DNAJC25: variants seen among roughly 807,000 people sequenced by gnomAD.
The protein encoded by DNAJC25 is DnaJ heat shock protein family (Hsp40) member C25.
A neutral mutation model predicts 42.1 loss-of-function variants in DNAJC25; 26 were observed. The ratio of observed to expected loss-of-function variants is 0.62; its 90% CI spans 0.45 to 0.86. The LOEUF (loss-of-function observed/expected upper bound fraction) is 0.86, where lower values mean the gene tolerates loss of function less well. Among genes scored for constraint, DNAJC25 ranks in the 40% least tolerant of loss-of-function variants. DNAJC25 has a pLI of 0.00. For synonymous variants in DNAJC25, 189 were observed against 179.9 expected, an observed-to-expected ratio of 1.05 and a Z score of -0.40; for missense variants, 404 against 459.4, an observed-to-expected ratio of 0.88 and a Z score of 1.10.
intron 2 of DNAJC25, among the ~76,000 whole-genome samples, chr9:111,648,264 GTT>G (rs140488738): frequency 3.4e-4 from 50 of 145,958 alleles, no homozygotes; most frequent in African/African-American, 1.1e-3. Flanking sequence ...AAACGATTCA[GTT>G]TTTTTTTTTT....
intron 1 of DNAJC25, among the ~76,000 whole-genome samples, chr9:111,637,505 T>G (rs1830381626): frequency 6.6e-6 from 1 of 152,240 alleles, no homozygotes; most frequent in African/African-American, 2.4e-5. Flanking sequence ...GTCATTCCTC[T>G]TTGGCAACTT....
At chr9:111,648,079 G>T (rs1220006995) in intron 2 of DNAJC25, among the ~76,000 whole-genome samples, 2 of 152,132 alleles carry the variant, frequency 1.3e-5, no homozygotes, top group Non-Finnish European at 2.9e-5. Context: ...GCCCGGCCAG[G>T]AACTTTTTAT....
At chr9:111,651,972 G>A (rs376588829) in intron 3 of DNAJC25, among the ~76,000 whole-genome samples, 1 of 152,094 alleles carries the variant, frequency 6.6e-6, no homozygotes, top group South Asian at 2.1e-4. Flanking sequence ...ATAATTAGAT[G>A]AAAGTAGGTG....
rs1452508792 is a variant in DNAJC25 at position 111,653,096 on chromosome 9, A to G, written c.961-4A>G. The G allele has an allele frequency of 1.3e-6, 2 of 1,590,898 alleles. No individual in the cohort carries two copies. Among genetic ancestry groups the G allele is most frequent in the Admixed American group, 1.7e-5 (1 of 57,514 alleles). On this transcript the variant is annotated splice_polypyrimidine_tract_variant and splice_region_variant and intron_variant, in intron 3 of 3. Coordinates refer to ENST00000313525, the MANE Select transcript of DNAJC25 (RefSeq NM_001015882.3). Reference sequence around the variant, plus strand: ...TGAAGTCATCTAGTTATTTATACTTACAGGTCTACAAGCAAGAACAAGAGG... The same window carrying G: ...TGAAGTCATCTAGTTATTTATACTTGCAGGTCTACAAGCAAGAACAAGAGG...
At chr9:111,644,897 G>A (rs982261286) in intron 1 of DNAJC25, among the ~76,000 whole-genome samples, 2 of 152,192 alleles carry the variant, frequency 1.3e-5, no homozygotes, top group Non-Finnish European at 2.9e-5. Flanking sequence ...AGTCTTCAGC[G>A]CTGTCTGTGT....
intron 1 of DNAJC25, among the ~76,000 whole-genome samples, chr9:111,637,612 T>G (rs1830382818): frequency 6.6e-6 from 1 of 152,244 alleles, no homozygotes; most frequent in East Asian, 1.9e-4. Flanking sequence ...GTGTTCACTG[T>G]CTTTACTTTC....
rs994412706 is a variant in DNAJC25 at position 111,653,868 on chromosome 9, T to C, written c.*646T>C. 2.0e-5 allele frequency: 3 copies of C among 152,618 alleles called. No homozygotes were observed. In the East Asian group the frequency reaches 5.8e-4, roughly 29 times the overall value. The allele number at this position is 152,618 out of a possible 1,614,324, so 9.5% of individuals were successfully genotyped here. A position where few individuals can be genotyped will look rare whatever the true frequency, so the allele number is the denominator to read the frequency against. On this transcript the variant is annotated 3_prime_UTR_variant, in exon 4 of 4. Transcript: ENST00000313525. The stretch of plus-strand genomic sequence containing the variant: ...ATAGTCTTAATAAGATCAGAAACTC[T>C]CCAGGAGAGTGAGTCTACCCTCACG...
chr9:111,643,170 C>G (rs918311446), intron 1 of DNAJC25: 4 of 224,352 alleles, frequency 1.8e-5, no homozygotes, highest in African/African-American at 6.7e-5. Flanking sequence ...TGAATTCAAG[C>G]AGTCACTTCT....
rs2065670612 is a variant in DNAJC25 at position 111,643,049 on chromosome 9, A to G, written c.337-4058A>G. The stretch of plus-strand genomic sequence containing the variant: ...TGGAATCTCCAGACCCTGGGACCTT[A>G]AGATCCACAAAATTGCTGAAAGAAA... On this transcript the variant is annotated intron_variant, in intron 1 of 3. Transcript: ENST00000313525. 8.4e-6 allele frequency: 3 copies of G among 356,214 alleles called. No homozygotes were observed. In the Admixed American group the frequency reaches 1.0e-4, roughly 12 times the overall value. 22.1% of individuals were successfully genotyped at this position (356,214 alleles called of 1,614,324 possible). A position where few individuals can be genotyped will look rare whatever the true frequency, so the allele number is the denominator to read the frequency against.
At chr9:111,644,567 A>G (rs558850468) in intron 1 of DNAJC25, among the ~76,000 whole-genome samples, 22 of 152,332 alleles carry the variant, frequency 1.4e-4, no homozygotes, top group Non-Finnish European at 2.4e-4. Flanking sequence ...ACCTTACTCC[A>G]TATACTTCAA....
At chr9:111,652,171 AG>A (rs2131271435) in intron 3 of DNAJC25, among the ~76,000 whole-genome samples, 1 of 152,264 alleles carries the variant, frequency 6.6e-6, no homozygotes. Context: ...ATTTTCATTG[AG>A]GAAAAGAATG....
chr9:111,635,560 T>G (rs1187946374), intron 1 of DNAJC25, among the ~76,000 whole-genome samples: 1 of 152,124 alleles, frequency 6.6e-6, no homozygotes, highest in African/African-American at 2.4e-5. Context: ...AGATAAAAAT[T>G]GGATAATACA....
rs576951424 is a variant in DNAJC25, at chr9:111,649,786, A to G, written c.823A>G (p.Lys275Glu). 333 of 1,613,804 alleles carry G rather than the reference A, an allele frequency of 2.1e-4. 2 individuals are homozygous for G. In the South Asian group the frequency reaches 3.3e-3, roughly 16 times the overall value. Reference protein sequence around the residue: ...RWIYNFNIKGKEYGEEERLYI... With the variant: ...RWIYNFNIKGEEYGEEERLYI... ...GATCTATAATTTTAACATCAAAGGCAAAGAATATGGAGAGGAAGAGAGATT... is the reference window on the plus strand; with the variant it reads ...GATCTATAATTTTAACATCAAAGGCGAAGAATATGGAGAGGAAGAGAGATT... The change falls in exon 3 of 4, where the codon AAA becomes GAA. Residue 275 changes from lysine to glutamate, a missense_variant. Transcript: ENST00000313525.
At chr9:111,642,350 C>CA (rs199738225) in intron 1 of DNAJC25, among the ~76,000 whole-genome samples, 9,011 of 99,730 alleles carry the variant, frequency 0.09, 95 homozygotes, top group East Asian at 0.31. Context: ...TGTGTCCACT[C>CA]AGAGTTAAAT....
In DNAJC25 at chr9:111,647,684, C is replaced by T. The variant is rs1284886824; in HGVS notation, c.489+425C>T. ...TGCTTGCCATCATTATTGTAACAAC[C>T]AGAAATGTCCCATGCATTTCTGTGT... On this transcript the variant is annotated intron_variant, in intron 2 of 3. Coordinates refer to ENST00000313525, the MANE Select transcript of DNAJC25 (RefSeq NM_001015882.3). Among the ~76,000 whole-genome samples, 3 of 152,224 alleles carry T rather than the reference C, an allele frequency of 2.0e-5. No individual in the cohort carries two copies. The East Asian group carries it at 5.8e-4, about 29-fold the overall frequency.
At chr9:111,643,997 A>C (rs761473523) in intron 1 of DNAJC25, among the ~76,000 whole-genome samples, 1 of 152,218 alleles carries the variant, frequency 6.6e-6, no homozygotes, top group Non-Finnish European at 1.5e-5. Context: ...AAGTATATGC[A>C]TGCCTCACTG....
At position 111,653,261 on chromosome 9, in the gene DNAJC25, A is replaced by T. The variant is rs772900593; in HGVS notation, c.*39A>T. On this transcript the variant is annotated 3_prime_UTR_variant, in exon 4 of 4. Coordinates refer to ENST00000313525, the MANE Select transcript of DNAJC25 (RefSeq NM_001015882.3). ...GCTACTATGCCAAACCTTAATTGTG[A>T]TATTATTTTCATAACTGAATTATTT... 7.0e-7 allele frequency: 1 copy of T among 1,436,966 alleles called. No homozygotes were observed. Among genetic ancestry groups the T allele is most frequent in the South Asian group, 1.7e-5 (1 of 58,940 alleles). 89.0% of individuals were successfully genotyped at this position (1,436,966 alleles called of 1,614,324 possible).
chr9:111,635,626 G>A (rs1055762390), intron 1 of DNAJC25, among the ~76,000 whole-genome samples: 5 of 152,200 alleles, frequency 3.3e-5, no homozygotes, highest in Non-Finnish European at 5.9e-5. Context: ...TTGAAAGGAT[G>A]CACTTAGAAA....
chr9:111,637,123 G>A (rs1830374051), intron 1 of DNAJC25, among the ~76,000 whole-genome samples: 1 of 152,122 alleles, frequency 6.6e-6, no homozygotes, highest in South Asian at 2.1e-4. Context: ...GTAGGTAAAT[G>A]GAACATTTTG....
Sources: allele counts gnomAD v4.1 joint callset (sites outside exome capture counted in the v4.1 genomes callset), GRCh38; gene constraint gnomAD v4.1.1; transcripts MANE v1.5; gene names NCBI Gene and HGNC (gene_info 2026-07-23, HGNC 2026-07-21).